PCLO: variants seen among roughly 807,000 people sequenced by gnomAD.
The protein encoded by PCLO is protein piccolo.
In PCLO, 82 loss-of-function variants were observed where a neutral mutation model predicts 427.5. That is an observed-to-expected ratio of 0.19 (90% CI 0.16 to 0.23). The LOEUF (loss-of-function observed/expected upper bound fraction) is 0.23, where lower values mean the gene tolerates loss of function less well. PCLO is among the 10% of genes least tolerant of loss of function. The pLI, the probability that PCLO is intolerant of heterozygous loss-of-function variation, is 1.00. For synonymous variants in PCLO, 2,357 were observed against 2,155.4 expected, an observed-to-expected ratio of 1.09 and a Z score of -2.59; for missense variants, 6,239 against 6,115.9, an observed-to-expected ratio of 1.02 and a Z score of -0.67.
chr7:83,024,431 C>T (rs1562925455), intron 3 of PCLO, among the ~76,000 whole-genome samples: 1 of 152,216 alleles, frequency 6.6e-6, no homozygotes. Context: ...AAGATTATAT[C>T]CCGCACGTGG....
intron 7 of PCLO, among the ~76,000 whole-genome samples, chr7:82,913,909 G>A (rs1276315142): frequency 2.6e-5 from 4 of 152,040 alleles, no homozygotes; most frequent in East Asian, 3.9e-4. Flanking sequence ...GGCTAAATGG[G>A]CAAATCAGGA....
chr7:82,918,503 T>C (rs1794520781), intron 6 of PCLO, among the ~76,000 whole-genome samples: 1 of 151,984 alleles, frequency 6.6e-6, no homozygotes, highest in Non-Finnish European at 1.5e-5. Flanking sequence ...CAATGGGCCA[T>C]AATTAAATGG....
intron 20 of PCLO, among the ~76,000 whole-genome samples, chr7:82,808,827 A>C (rs1791509299): frequency 6.6e-6 from 1 of 151,922 alleles, no homozygotes; most frequent in South Asian, 2.1e-4. Context: ...CTTGGTATCT[A>C]AGTGTAGTGC....
At chr7:82,937,989 C>A (rs568677430) in intron 6 of PCLO, among the ~76,000 whole-genome samples, 4 of 151,852 alleles carry the variant, frequency 2.6e-5, no homozygotes, top group Non-Finnish European at 5.9e-5. Context: ...AACCAACAAA[C>A]TTATCTTCTA....
chr7:83,123,004 T>C (rs1791327812), intron 3 of PCLO, among the ~76,000 whole-genome samples: 1 of 152,176 alleles, frequency 6.6e-6, no homozygotes, highest in South Asian at 2.1e-4. Context: ...AAAGGAAAGA[T>C]AGTTCATGTT....
intron 3 of PCLO, among the ~76,000 whole-genome samples, chr7:83,047,178 C>G (rs373556598): frequency 9.9e-5 from 15 of 152,032 alleles, no homozygotes; most frequent in African/African-American, 3.6e-4. Flanking sequence ...CAGATACCAC[C>G]ACCACTCCTT....
chr7:83,155,974 G>A lies in PCLO; in HGVS notation c.667C>T (p.Gln223Ter). 6.2e-7 allele frequency: 1 copy of A among 1,613,756 alleles called. No homozygotes were observed. The change falls in exon 2 of 25, where the codon CAA (glutamine) becomes TAA (stop). Residue 223 changes from glutamine (Q) to a stop codon, truncating the protein, a stop_gained. Transcript: ENST00000333891. LOFTEE classifies it high-confidence loss of function. ...QQPPKPIPKQ[Q>*]GPGRDPLQQD... ...TGAAGCGGATCCCTACCAGGTCCTT[G>A]CTGCTTAGGAATCGGCTTGGGTGGC...
At chr7:82,894,326 T>C (rs1358677969) in intron 9 of PCLO, 1 of 153,840 alleles carries the variant, frequency 6.5e-6, no homozygotes, top group African/African-American at 2.4e-5. Flanking sequence ...TTAGTCTGTT[T>C]TCATGCTGCT....
intron 6 of PCLO, among the ~76,000 whole-genome samples, chr7:82,947,422 T>C (rs1795229258): frequency 6.6e-6 from 1 of 152,056 alleles, no homozygotes; most frequent in Non-Finnish European, 1.5e-5. Context: ...TTTTTTAGTA[T>C]AGTTAATACT....
chr7:82,944,418 C>A (rs1211757270), intron 6 of PCLO, among the ~76,000 whole-genome samples: 1 of 151,638 alleles, frequency 6.6e-6, no homozygotes, highest in African/African-American at 2.4e-5. Context: ...TAAACAAAAA[C>A]CCATAAATTT....
intron 22 of PCLO, among the ~76,000 whole-genome samples, chr7:82,800,909 A>G (rs2129468655): frequency 6.6e-6 from 1 of 152,130 alleles, no homozygotes; most frequent in South Asian, 2.1e-4. Flanking sequence ...TTATCACAGT[A>G]TTATGAAAGG....
intron 2 of PCLO, among the ~76,000 whole-genome samples, chr7:83,152,776 T>C (rs1303105402): frequency 3.3e-5 from 5 of 152,190 alleles, no homozygotes; most frequent in Non-Finnish European, 7.3e-5. Context: ...CTGAAGTCCA[T>C]ATTTATTCAT....
At chr7:83,149,357 T>C (rs1464547817) in intron 2 of PCLO, among the ~76,000 whole-genome samples, 1 of 152,170 alleles carries the variant, frequency 6.6e-6, no homozygotes, top group African/African-American at 2.4e-5. Context: ...TCCATTTTCT[T>C]TCTACCTTCA....
intron 3 of PCLO, among the ~76,000 whole-genome samples, chr7:83,046,795 A>T (rs7802618): frequency 0.76 from 116,080 of 151,824 alleles, 45,237 homozygotes; most frequent in African/African-American, 0.91. Flanking sequence ...CAATTTTTTT[A>T]AAAAAGAGCC....
chr7:82,990,572 G>T (rs1337079860), intron 3 of PCLO, among the ~76,000 whole-genome samples: 5 of 152,072 alleles, frequency 3.3e-5, no homozygotes, highest in African/African-American at 1.2e-4. Flanking sequence ...TAATTAAGTA[G>T]AACTTGTCAC....
chr7:83,064,368 G>A (rs1049393231), intron 3 of PCLO, among the ~76,000 whole-genome samples: 2 of 151,900 alleles, frequency 1.3e-5, no homozygotes, highest in Admixed American at 1.3e-4. Context: ...GAAACAAAAG[G>A]GTAGAAATTA....
chr7:83,025,173 T>A (rs1252765742), intron 3 of PCLO, among the ~76,000 whole-genome samples: 1 of 152,116 alleles, frequency 6.6e-6, no homozygotes, highest in Admixed American at 6.5e-5. Flanking sequence ...GGGAGGATAT[T>A]CAAACCAAAG....
intron 4 of PCLO, among the ~76,000 whole-genome samples, chr7:82,960,699 GAT>G (rs1795637778): frequency 6.6e-6 from 1 of 152,074 alleles, no homozygotes; most frequent in Admixed American, 6.6e-5. Flanking sequence ...CATTTTGAAA[GAT>G]AGGAATGAAT....
chr7:82,801,950 G>A (rs371394547), intron 21 of PCLO, among the ~76,000 whole-genome samples: 7 of 152,002 alleles, frequency 4.6e-5, no homozygotes, highest in South Asian at 2.1e-4. Context: ...ACAATGAGAA[G>A]GGGCTTTATA....
Sources: allele counts gnomAD v4.1 joint callset (sites outside exome capture counted in the v4.1 genomes callset), GRCh38; gene constraint gnomAD v4.1.1; transcripts MANE v1.5; gene names NCBI Gene and HGNC (gene_info 2026-07-23, HGNC 2026-07-21).